The following GRID1 variants were observed in gnomAD, a reference collection of about 807,000 sequenced individuals.
GRID1 encodes glutamate ionotropic receptor delta type subunit 1.
A neutral mutation model predicts 98.0 loss-of-function variants in GRID1; 28 were observed. The ratio of observed to expected loss-of-function variants is 0.29; its 90% CI spans 0.21 to 0.39. GRID1 has a LOEUF of 0.39. GRID1 is among the 10% of genes least tolerant of loss of function. GRID1 has a pLI of 1.00. For synonymous variants in GRID1, 553 were observed against 538.5 expected (o/e 1.03, Z -0.37); for missense variants, 1,111 against 1,340.5 (o/e 0.83, Z 2.67).
intron 2 of GRID1, among the ~76,000 whole-genome samples, chr10:86,249,373 T>C (rs1319983150): frequency 1.3e-5 from 2 of 152,120 alleles, no homozygotes; most frequent in Admixed American, 6.5e-5. Flanking sequence ...TAAGTCACAG[T>C]CTCCTCTGGA....
In GRID1 at chr10:85,602,555, C is replaced by T. The variant is rs771144394; in HGVS notation, c.2748G>A (p.Pro916=). ...GGLAPTQTLE[P]TREYQNTQLS... ...GCTGGGTGTTCTGGTACTCCCGTGT[C>T]GGCTCCAAGGTCTGGGTGGGAGCCA... The change falls in exon 16 of 16, where the codon CCG becomes CCA. Residue 916 remains proline (P), a synonymous_variant. Transcript: ENST00000327946. The T allele has an allele frequency of 9.3e-6, 15 of 1,614,024 alleles. No homozygotes were observed. The highest frequency in any genetic ancestry group is 1.3e-5 in the Non-Finnish European group (15 of 1,180,004).
intron 5 of GRID1, among the ~76,000 whole-genome samples, chr10:85,879,546 A>G (rs1049014098): frequency 6.6e-6 from 1 of 152,224 alleles, no homozygotes; most frequent in Non-Finnish European, 1.5e-5. Context: ...AAAGGAAGGC[A>G]GAAATAAAGA....
At chr10:85,992,156 A>T (rs887174539) in intron 4 of GRID1, among the ~76,000 whole-genome samples, 1 of 151,940 alleles carries the variant, frequency 6.6e-6, no homozygotes, top group Non-Finnish European at 1.5e-5. Flanking sequence ...ATGGCTAAAT[A>T]AGGAGGGAGG....
intron 4 of GRID1, among the ~76,000 whole-genome samples, chr10:85,977,811 A>T (rs1359221294): frequency 6.6e-6 from 1 of 152,192 alleles, no homozygotes. Flanking sequence ...ACCCAGTGAA[A>T]ATGAAATCCT....
chr10:85,991,154 G>C lies in GRID1; in HGVS notation c.727-74915C>G, dbSNP rs79666605. ...CCTGATTGTCTGTGGATGAGGTGAG[G>C]TCCCTGGCTTCCTTCTGGCTGGGTC... On this transcript the variant is annotated intron_variant, in intron 4 of 15. Transcript: ENST00000327946. Among the ~76,000 whole-genome samples the C allele has an allele frequency of 1.5e-3, 227 of 152,238 alleles. 2 individuals carry two copies. Among genetic ancestry groups the C allele is most frequent in the African/African-American group, 5.2e-3 (217 of 41,554 alleles).
rs184320194 is a variant in GRID1 at position 85,642,190 on chromosome 10, C to A, written c.2193+5012G>T. On this transcript the variant is annotated intron_variant, in intron 13 of 15. Coordinates refer to ENST00000327946, the MANE Select transcript of GRID1 (RefSeq NM_017551.3). ...CTCTGCTGAAATAGCAGGAAAGCAG[C>A]CATAAACAGCATGTAAATAAATGAG... is the stretch of plus-strand genomic sequence containing the variant. Among the ~76,000 whole-genome samples the A allele has an allele frequency of 2.5e-3, 385 of 152,250 alleles. 2 individuals are homozygous for A. Among genetic ancestry groups the A allele is most frequent in the African/African-American group, 8.8e-3 (364 of 41,546 alleles).
At chr10:85,884,381 A>G (rs1023193508) in intron 5 of GRID1, among the ~76,000 whole-genome samples, 3 of 152,130 alleles carry the variant, frequency 2.0e-5, no homozygotes, top group Non-Finnish European at 4.4e-5. Context: ...ACTAAACCTC[A>G]GTTATTATGC....
chr10:86,085,791 C>T (rs2352173), intron 4 of GRID1, among the ~76,000 whole-genome samples: 70,910 of 151,806 alleles, frequency 0.47, 18,433 homozygotes, highest in East Asian at 0.6. Flanking sequence ...GATCCCACAG[C>T]CCGTGGCATC....
intron 13 of GRID1, among the ~76,000 whole-genome samples, chr10:85,634,448 A>G (rs1843013515): frequency 6.6e-6 from 1 of 152,174 alleles, no homozygotes; most frequent in African/African-American, 2.4e-5. Flanking sequence ...AATATGTTTT[A>G]TCTTATTGAT....
chr10:85,964,289 A>G (rs1174164179), intron 4 of GRID1, among the ~76,000 whole-genome samples: 1 of 152,194 alleles, frequency 6.6e-6, no homozygotes, highest in Non-Finnish European at 1.5e-5. Context: ...AAAACATGAA[A>G]AAATAAATTT....
intron 2 of GRID1, among the ~76,000 whole-genome samples, chr10:86,343,262 A>G (rs1428626886): frequency 6.6e-6 from 1 of 152,258 alleles, no homozygotes; most frequent in African/African-American, 2.4e-5. Flanking sequence ...AAAATAAATC[A>G]TTTAACAAAA....
chr10:85,970,562 C>T (rs1465883176), intron 4 of GRID1, among the ~76,000 whole-genome samples: 1 of 151,830 alleles, frequency 6.6e-6, no homozygotes, highest in Non-Finnish European at 1.5e-5. Context: ...GAATAAAGGA[C>T]AAAAAACATA....
intron 8 of GRID1, among the ~76,000 whole-genome samples, chr10:85,732,456 T>G (rs1428004296): frequency 6.6e-6 from 1 of 152,216 alleles, no homozygotes; most frequent in Non-Finnish European, 1.5e-5. Flanking sequence ...TGGAGCTCTG[T>G]GCATCTTGAT....
chr10:85,705,719 G>C (rs1057495042), intron 12 of GRID1, among the ~76,000 whole-genome samples: 1 of 152,090 alleles, frequency 6.6e-6, no homozygotes, highest in Non-Finnish European at 1.5e-5. Flanking sequence ...TAAAATATTG[G>C]CAAACCGAAT....
intron 8 of GRID1, among the ~76,000 whole-genome samples, chr10:85,814,145 G>A (rs539155545): frequency 1.3e-5 from 2 of 151,846 alleles, no homozygotes; most frequent in South Asian, 4.1e-4. Context: ...CAATTTAAAG[G>A]CAGATATTGA....
intron 2 of GRID1, among the ~76,000 whole-genome samples, chr10:86,248,602 A>G (rs1846771010): frequency 7.6e-6 from 1 of 131,408 alleles, no homozygotes; most frequent in Non-Finnish European, 1.6e-5. Context: ...TTTTGAGACA[A>G]GGTCTCACTC....
intron 12 of GRID1, among the ~76,000 whole-genome samples, chr10:85,701,168 G>A (rs1221828142): frequency 6.6e-6 from 1 of 152,018 alleles, no homozygotes; most frequent in Non-Finnish European, 1.5e-5. Context: ...TACAGCAATG[G>A]GAGATTCAAA....
At chr10:86,209,534 A>G (rs1846078712) in intron 2 of GRID1, among the ~76,000 whole-genome samples, 1 of 152,244 alleles carries the variant, frequency 6.6e-6, no homozygotes. Context: ...GCTAACTATG[A>G]TTACAGCTAG....
intron 4 of GRID1, among the ~76,000 whole-genome samples, chr10:86,005,494 A>C (rs906232892): frequency 6.6e-6 from 1 of 152,218 alleles, no homozygotes; most frequent in Non-Finnish European, 1.5e-5. Context: ...CAAGGGTGTG[A>C]AACTAGAATA....
Sources: allele counts gnomAD v4.1 joint callset (sites outside exome capture counted in the v4.1 genomes callset), GRCh38; gene constraint gnomAD v4.1.1; transcripts MANE v1.5; gene names NCBI Gene and HGNC (gene_info 2026-07-23, HGNC 2026-07-21).